ADK: variants seen among roughly 807,000 people sequenced by gnomAD.
The protein encoded by ADK is N6,N6-dimethyladenosine kinase.
In ADK, 24 loss-of-function variants were observed where a neutral mutation model predicts 44.7. The observed-to-expected ratio is 0.54, with a 90% CI of 0.39 to 0.76. The LOEUF is 0.76. ADK is among the 30% of genes least tolerant of loss of function. The pLI is 0.00. For missense variants in ADK, 321 were observed against 425.1 expected (o/e 0.76, Z 2.15); for synonymous variants, 128 against 142.6 (o/e 0.90, Z 0.73).
intron 4 of ADK, among the ~76,000 whole-genome samples, chr10:74,361,315 T>C (rs1842329581): frequency 6.6e-6 from 1 of 152,242 alleles, no homozygotes; most frequent in African/African-American, 2.4e-5. Context: ...TTAACTTTTC[T>C]TCTGCTTCTT....
At chr10:74,487,238 C>A (rs898734604) in intron 6 of ADK, among the ~76,000 whole-genome samples, 8 of 151,930 alleles carry the variant, frequency 5.3e-5, no homozygotes, top group Non-Finnish European at 1.0e-4. Context: ...GTGAATAGAA[C>A]CTAATTTTTG....
intron 3 of ADK, among the ~76,000 whole-genome samples, chr10:74,311,068 G>A (rs549783233): frequency 1.3e-5 from 2 of 152,214 alleles, no homozygotes; most frequent in Admixed American, 1.3e-4. Flanking sequence ...AATCTAAACA[G>A]ATGTATAAAA....
chr10:74,356,633 A>G (rs1044433010), intron 4 of ADK, among the ~76,000 whole-genome samples: 8 of 152,218 alleles, frequency 5.3e-5, no homozygotes, highest in Non-Finnish European at 1.2e-4. Context: ...GTACATCTCT[A>G]GCAAGCCTAT....
At chr10:74,166,313 A>C (rs1340666866) in intron 1 of ADK, among the ~76,000 whole-genome samples, 3 of 152,204 alleles carry the variant, frequency 2.0e-5, no homozygotes, top group Admixed American at 1.3e-4. Context: ...GTTCTAGTTA[A>C]GAACAATTTA....
intron 6 of ADK, among the ~76,000 whole-genome samples, chr10:74,409,133 T>A (rs537815755): frequency 6.6e-6 from 1 of 152,324 alleles, no homozygotes; most frequent in South Asian, 2.1e-4. Flanking sequence ...TTTTTTGTAA[T>A]TTCTTAGTCA....
chr10:74,420,138 C>T (rs920228424), intron 6 of ADK, among the ~76,000 whole-genome samples: 1 of 152,154 alleles, frequency 6.6e-6, no homozygotes. Context: ...ACTACTTCCT[C>T]CAGATAATAC....
intron 6 of ADK, among the ~76,000 whole-genome samples, chr10:74,410,603 C>T (rs992752672): frequency 6.6e-6 from 1 of 152,084 alleles, no homozygotes; most frequent in African/African-American, 2.4e-5. Flanking sequence ...ATCGCTCAAA[C>T]CCAGGAGGCA....
intron 6 of ADK, among the ~76,000 whole-genome samples, chr10:74,416,440 G>A (rs1397626986): frequency 1.3e-5 from 2 of 151,850 alleles, no homozygotes; most frequent in African/African-American, 4.8e-5. Context: ...TACTAGTTAG[G>A]GATATTAGTA....
chr10:74,402,267 C>T (rs994278227), intron 6 of ADK, among the ~76,000 whole-genome samples: 5 of 151,984 alleles, frequency 3.3e-5, no homozygotes, highest in African/African-American at 1.2e-4. Context: ...TCTGTATTTC[C>T]CAAATTTGAA....
intron 3 of ADK, among the ~76,000 whole-genome samples, chr10:74,292,623 T>G (rs1037092091): frequency 6.6e-6 from 1 of 152,188 alleles, no homozygotes; most frequent in Non-Finnish European, 1.5e-5. Context: ...TTGATGGCAG[T>G]TTTATCCTTC....
At chr10:74,315,660 A>T (rs1475105488) in intron 4 of ADK, among the ~76,000 whole-genome samples, 1 of 152,182 alleles carries the variant, frequency 6.6e-6, no homozygotes, top group Non-Finnish European at 1.5e-5. Flanking sequence ...TTTCCCCTTG[A>T]ATTCTGATTA....
chr10:74,272,429 C>T (rs1040313314), intron 3 of ADK, among the ~76,000 whole-genome samples: 1 of 152,018 alleles, frequency 6.6e-6, no homozygotes, highest in Non-Finnish European at 1.5e-5. Context: ...GCGCGCACTA[C>T]CATGCCGGGT....
chr10:74,588,045 G>A (rs1379691741), intron 7 of ADK, among the ~76,000 whole-genome samples: 5 of 151,776 alleles, frequency 3.3e-5, no homozygotes, highest in Non-Finnish European at 7.4e-5. Flanking sequence ...GAGGATTTTT[G>A]GACTGTTTAT....
At chr10:74,476,319 C>T (rs1472458687) in intron 6 of ADK, among the ~76,000 whole-genome samples, 1 of 151,978 alleles carries the variant, frequency 6.6e-6, no homozygotes, top group Non-Finnish European at 1.5e-5. Context: ...CATGGAGAAA[C>T]TGCGTCTCTA....
At chr10:74,650,682 G>A (rs1055973218) in intron 9 of ADK, among the ~76,000 whole-genome samples, 1 of 152,092 alleles carries the variant, frequency 6.6e-6, no homozygotes, top group African/African-American at 2.4e-5. Flanking sequence ...TGTAACCAGT[G>A]TTGAGACTTC....
At chr10:74,321,021 T>C (rs1034985508) in intron 4 of ADK, among the ~76,000 whole-genome samples, 24 of 152,178 alleles carry the variant, frequency 1.6e-4, no homozygotes, top group African/African-American at 4.1e-4. Flanking sequence ...ATGTGACTCA[T>C]TGAATTTTTC....
At chr10:74,442,663 A>G (rs1285439438) in intron 6 of ADK, among the ~76,000 whole-genome samples, 1 of 152,106 alleles carries the variant, frequency 6.6e-6, no homozygotes, top group Non-Finnish European at 1.5e-5. Flanking sequence ...ATAAATAAAT[A>G]ATTAAATAAA....
intron 3 of ADK, among the ~76,000 whole-genome samples, chr10:74,256,209 ATT>A (rs1845817307): frequency 6.6e-6 from 1 of 152,232 alleles, no homozygotes; most frequent in South Asian, 2.1e-4. Context: ...TTTATTGAGT[ATT>A]CAGAGTTGAC....
intron 2 of ADK, among the ~76,000 whole-genome samples, chr10:74,213,991 AG>A (rs1180828727): frequency 1.3e-5 from 2 of 152,254 alleles, no homozygotes; most frequent in Non-Finnish European, 2.9e-5. Flanking sequence ...AAAAAGCATA[AG>A]AAAAATTAAG....
Sources: allele counts gnomAD v4.1 joint callset (sites outside exome capture counted in the v4.1 genomes callset), GRCh38; gene constraint gnomAD v4.1.1; transcripts MANE v1.5; gene names NCBI Gene and HGNC (gene_info 2026-07-23, HGNC 2026-07-21).